Variants in SCN1A observed in about 807,000 individuals in gnomAD.
SCN1A encodes sodium channel protein type 1 subunit alpha.
A neutral mutation model predicts 193.7 loss-of-function variants in SCN1A; 13 were observed. The ratio of observed to expected loss-of-function variants is 0.07; its 90% CI spans 0.04 to 0.11. SCN1A has a LOEUF of 0.11. SCN1A is among the 10% of genes least tolerant of loss of function. SCN1A has a pLI of 1.00. For missense variants in SCN1A, 1,432 were observed against 2,451.1 expected, an observed-to-expected ratio of 0.58 and a Z score of 8.78; for synonymous variants, 781 against 843.6, an observed-to-expected ratio of 0.93 and a Z score of 1.29.
intron 2 of SCN1A, among the ~76,000 whole-genome samples, chr2:166,088,939 C>T (rs1242177333): frequency 2.6e-5 from 4 of 152,058 alleles, no homozygotes; most frequent in Non-Finnish European, 5.9e-5. Flanking sequence ...AACAGGGTTG[C>T]CAGAAAAAAT....
chr2:166,004,347 C>T (rs1379970615), intron 23 of SCN1A, among the ~76,000 whole-genome samples: 3 of 151,480 alleles, frequency 2.0e-5, no homozygotes, highest in Non-Finnish European at 4.4e-5. Context: ...TTGCCTTCAA[C>T]ACCCAATTTA....
At chr2:165,999,806 T>A (rs1328049917) in intron 24 of SCN1A, 30 bp from the exon 25 acceptor site, 1 of 1,490,572 alleles carries the variant, frequency 6.7e-7, no homozygotes, top group Non-Finnish European at 9.4e-7. Context: ...TGTTTTACTT[T>A]GGAGTAAAAA....
Position 166,094,328 on chromosome 2 carries a change from G to A in SCN1A, c.-141-16527C>T, listed in dbSNP as rs191259780. ...CTTAATGAGTTGAGTGGTTGAAAGT[G>A]TCCTTTTAAATGATCAATTTAGACC... On this transcript the variant is annotated intron_variant, in intron 2 of 28. Coordinates refer to ENST00000674923, the MANE Select transcript of SCN1A (RefSeq NM_001165963.4). Among the ~76,000 whole-genome samples the A allele has an allele frequency of 3.7e-3, 556 of 152,272 alleles. 6 individuals carry two copies. The highest frequency in any genetic ancestry group is 0.013 in the African/African-American group (523 of 41,546).
chr2:166,137,065 A>G (rs967207197), intron 1 of SCN1A, among the ~76,000 whole-genome samples: 12 of 152,190 alleles, frequency 7.9e-5, no homozygotes, highest in African/African-American at 2.9e-4. Context: ...CCTGGTCTGC[A>G]TTCCTTGGAG....
chr2:166,117,280 C>T (rs938529947), intron 2 of SCN1A, among the ~76,000 whole-genome samples: 1 of 152,180 alleles, frequency 6.6e-6, no homozygotes, highest in African/African-American at 2.4e-5. Flanking sequence ...AGACAACCAG[C>T]ATTATTGTTG....
intron 2 of SCN1A, among the ~76,000 whole-genome samples, chr2:166,112,721 T>C (rs1292495111): frequency 6.6e-6 from 1 of 152,146 alleles, no homozygotes; most frequent in Non-Finnish European, 1.5e-5. Flanking sequence ...CCTTTTTGTA[T>C]GCTAATGAGA....
intron 4 of SCN1A, among the ~76,000 whole-genome samples, chr2:166,067,776 G>C (rs1684004309): frequency 7.5e-6 from 1 of 133,726 alleles, no homozygotes; most frequent in African/African-American, 2.9e-5. Flanking sequence ...GTAAATCTCT[G>C]CCCCACTGTC....
At chr2:166,104,913 A>G (rs1283458578) in intron 2 of SCN1A, among the ~76,000 whole-genome samples, 3 of 152,204 alleles carry the variant, frequency 2.0e-5, no homozygotes, top group Non-Finnish European at 4.4e-5. Context: ...GAAGAAAAGA[A>G]TTGGTATCAT....
intron 13 of SCN1A, 58 bp downstream of exon 13, chr2:166,044,985 C>T: frequency 2.7e-6 from 4 of 1,466,530 alleles, no homozygotes; most frequent in East Asian, 2.3e-5. Context: ...CTAATTCTCC[C>T]CCTCTCTCCC....
At chr2:166,026,566 C>CT (rs1198588324) in intron 19 of SCN1A, among the ~76,000 whole-genome samples, 1 of 151,290 alleles carries the variant, frequency 6.6e-6, no homozygotes, top group Admixed American at 6.6e-5. Context: ...TTAATTTTTC[C>CT]TTTTTTGTTC....
intron 2 of SCN1A, among the ~76,000 whole-genome samples, chr2:166,095,692 A>T (rs1367145594): frequency 6.6e-6 from 1 of 152,184 alleles, no homozygotes; most frequent in African/African-American, 2.4e-5. Flanking sequence ...CTACACGCTA[A>T]CCAAACTTGA....
At chr2:166,054,929 A>G (rs892500846) in intron 6 of SCN1A, among the ~76,000 whole-genome samples, 163 bp from the exon 7 acceptor site, 2 of 152,066 alleles carry the variant, frequency 1.3e-5, no homozygotes, top group African/African-American at 4.8e-5. Context: ...ATTTAAATTC[A>G]GCTTCCTAAC....
intron 4 of SCN1A, 43 bp from the exon 5 acceptor site, chr2:166,058,731 C>G: frequency 9.5e-7 from 1 of 1,055,644 alleles, no homozygotes; most frequent in East Asian, 2.4e-5. Flanking sequence ...AAGTATAAAC[C>G]ACTTAAACTC....
chr2:166,104,629 G>A (rs1395826896), intron 2 of SCN1A, among the ~76,000 whole-genome samples: 1 of 152,126 alleles, frequency 6.6e-6, no homozygotes, highest in Non-Finnish European at 1.5e-5. Flanking sequence ...TGTAGTTCCA[G>A]CTACTTGGAA....
chr2:166,002,315 C>T (rs1690996848), intron 24 of SCN1A, among the ~76,000 whole-genome samples, 157 bp downstream of exon 24: 1 of 151,692 alleles, frequency 6.6e-6, no homozygotes. Flanking sequence ...ATAAAGTTTT[C>T]ACCCATCTGG....
chr2:166,001,881 T>G (rs12987787), intron 24 of SCN1A, among the ~76,000 whole-genome samples: 1 of 39,184 alleles, frequency 2.6e-5, no homozygotes, highest in Non-Finnish European at 4.7e-5. Context: ...TTCTCTCTCT[T>G]TTTTTTTTTT....
intron 13 of SCN1A, among the ~76,000 whole-genome samples, chr2:166,044,624 A>T (rs1574221228): frequency 6.6e-6 from 1 of 152,332 alleles, no homozygotes; most frequent in Middle Eastern, 3.4e-3. Flanking sequence ...TATTTTCAGA[A>T]GCATGCATGG....
intron 23 of SCN1A, among the ~76,000 whole-genome samples, chr2:166,008,067 T>C (rs1691894517): frequency 6.6e-6 from 1 of 151,302 alleles, no homozygotes; most frequent in Non-Finnish European, 1.5e-5. Context: ...AATCTGACCA[T>C]TTAAACTATT....
At chr2:166,024,208 C>T (rs967128264) in intron 19 of SCN1A, among the ~76,000 whole-genome samples, 2 of 151,890 alleles carry the variant, frequency 1.3e-5, no homozygotes, top group African/African-American at 4.8e-5. Flanking sequence ...CGTGGATGAC[C>T]GAGTGAGGCC....
Sources: gnomAD v4.1 joint callset for allele counts (sites outside exome capture counted in the v4.1 genomes callset) on GRCh38, gnomAD v4.1.1 for gene constraint, MANE v1.5 for transcripts, NCBI Gene and HGNC (gene_info 2026-07-23, HGNC 2026-07-21) for gene names.